The following SEPTIN9 variants were observed in gnomAD, a reference collection of about 807,000 sequenced individuals.
SEPTIN9 encodes septin 9, also known as septin-9.
A neutral mutation model predicts 56.6 loss-of-function variants in SEPTIN9; 13 were observed. The observed-to-expected ratio is 0.23, with a 90% CI of 0.15 to 0.37. The LOEUF is 0.37. Ranked by LOEUF, SEPTIN9 falls within the 10% of genes least tolerant of loss-of-function variation. SEPTIN9 has a pLI of 1.00. For missense variants in SEPTIN9, 650 were observed against 823.1 expected, an observed-to-expected ratio of 0.79 and a Z score of 2.57; for synonymous variants, 332 against 334.1, an observed-to-expected ratio of 0.99 and a Z score of 0.07.
At position 77,389,854 on chromosome 17, in the gene SEPTIN9, TG is replaced by T. The variant is rs1200390671; in HGVS notation, c.77-12199del. ...CAGCAGCTGGTTTAGAACCCGGGGG[TG>T]GGGGGAGCGCTAGACCAGTGCAGCA... On this transcript the variant is annotated intron_variant, in intron 2 of 11. Transcript: ENST00000427177. The surrounding 1 kb of genome is among the most constrained non-coding windows in gnomAD (Gnocchi z 4.3). 6.6e-6 allele frequency among the ~76,000 whole-genome samples: 1 copy of T among 151,766 alleles called. No homozygotes were observed. Among genetic ancestry groups the T allele is most frequent in the Non-Finnish European group, 1.5e-5 (1 of 67,928 alleles).
At chr17:77,311,524 G>A (rs939145959) in intron 2 of SEPTIN9, among the ~76,000 whole-genome samples, 15 of 152,160 alleles carry the variant, frequency 9.9e-5, no homozygotes, top group African/African-American at 3.4e-4. Context: ...GCTGGTGCTC[G>A]CTGCCTCCCT....
chr17:77,475,953 G>A lies in SEPTIN9; in HGVS notation c.722-6191G>A. ...GTCCGTGCTCTGAGAGCCAGGTGTGGGTTGGGTTTGGGGAAGACAGGGGAA... is the reference window on the plus strand; with the variant it reads ...GTCCGTGCTCTGAGAGCCAGGTGTGAGTTGGGTTTGGGGAAGACAGGGGAA... On this transcript the variant is annotated intron_variant, in intron 3 of 11. Transcript: ENST00000427177. This position sits in a 1 kb window ranked among gnomAD's most constrained non-coding sequence, Gnocchi z 4.6. The A allele has an allele frequency of 6.4e-7, 1 of 1,569,552 alleles. No homozygotes were observed. The highest frequency in any genetic ancestry group is 8.7e-7 in the Non-Finnish European group (1 of 1,153,166).
chr17:77,462,313 C>T (rs2038513189), intron 3 of SEPTIN9, among the ~76,000 whole-genome samples: 1 of 152,204 alleles, frequency 6.6e-6, no homozygotes, highest in African/African-American at 2.4e-5. Context: ...CCGATCACGG[C>T]TCACTGCAGC....
chr17:77,312,022 C>G (rs183751731), intron 2 of SEPTIN9, among the ~76,000 whole-genome samples: 6 of 152,176 alleles, frequency 3.9e-5, no homozygotes, highest in Non-Finnish European at 8.8e-5. Flanking sequence ...CCCCAGCACC[C>G]CCAGGTCTCA....
intron 3 of SEPTIN9, among the ~76,000 whole-genome samples, chr17:77,414,203 C>T (rs536254298): frequency 6.6e-6 from 1 of 152,018 alleles, no homozygotes; most frequent in Non-Finnish European, 1.5e-5. Flanking sequence ...CTCAGCCTCC[C>T]GAGTAGCTGA....
chr17:77,435,261 C>G lies in SEPTIN9; in HGVS notation c.721+32558C>G, dbSNP rs758061981. 5.3e-5 allele frequency among the ~76,000 whole-genome samples: 8 copies of G among 152,152 alleles called. No individual in the cohort carries two copies. Among genetic ancestry groups the G allele is most frequent in the African/African-American group, 1.7e-4 (7 of 41,430 alleles). ...CCCTAACCACTGTCATTTACCTCTTCGGCCAGCCCTCTGATTGCAAAACCT... is the reference window on the plus strand; with the variant it reads ...CCCTAACCACTGTCATTTACCTCTTGGGCCAGCCCTCTGATTGCAAAACCT... On this transcript the variant is annotated intron_variant, in intron 3 of 11. Coordinates refer to ENST00000427177, the MANE Select transcript of SEPTIN9 (RefSeq NM_001113491.2). The surrounding 1 kb of genome is among the most constrained non-coding windows in gnomAD (Gnocchi z 4.5).
intron 1 of SEPTIN9, among the ~76,000 whole-genome samples, chr17:77,291,595 G>A (rs1424483071): frequency 1.3e-5 from 2 of 151,990 alleles, no homozygotes; most frequent in Non-Finnish European, 2.9e-5. Context: ...TCGTGCCACG[G>A]CACTCCAGCC....
rs144099049 is a variant in SEPTIN9, at chr17:77,360,588, G to A, written c.77-41471G>A. 7.6e-3 allele frequency among the ~76,000 whole-genome samples: 1,147 copies of A among 150,118 alleles called. 12 individuals are homozygous for A. The highest frequency in any genetic ancestry group is 0.026 in the African/African-American group (1,068 of 40,722). Reference sequence around the variant, plus strand: ...TTTTGTTTCTTTTTTTTTTTGAGACGGAGTCTCGCTCTGTCGCCCAGGCTG... The same window carrying A: ...TTTTGTTTCTTTTTTTTTTTGAGACAGAGTCTCGCTCTGTCGCCCAGGCTG... On this transcript the variant is annotated intron_variant, in intron 2 of 11. Transcript: ENST00000427177.
chr17:77,343,126 A>T (rs2033790835), intron 2 of SEPTIN9, among the ~76,000 whole-genome samples: 1 of 152,012 alleles, frequency 6.6e-6, no homozygotes, highest in Non-Finnish European at 1.5e-5. Flanking sequence ...TTTGTTTGCT[A>T]AGGAGGCGAC....
rs1381864507 is a variant in SEPTIN9 at position 77,425,959 on chromosome 17, G to T, written c.721+23256G>T. The stretch of plus-strand genomic sequence containing the variant: ...CCCTGTGCAGAGGGGAGTGTGTGCG[G>T]CTGTGAGTTCAGGCCATGCCCTCAG... On this transcript the variant is annotated intron_variant, in intron 3 of 11. Coordinates refer to ENST00000427177, the MANE Select transcript of SEPTIN9 (RefSeq NM_001113491.2). The surrounding 1 kb of genome is among the most constrained non-coding windows in gnomAD (Gnocchi z 4.2). Among the ~76,000 whole-genome samples, 2 of 152,190 alleles carry T rather than the reference G, an allele frequency of 1.3e-5. No individual in the cohort carries two copies. The highest frequency in any genetic ancestry group is 2.4e-5 in the African/African-American group (1 of 41,448).
At chr17:77,354,424 G>T (rs537932726) in intron 2 of SEPTIN9, among the ~76,000 whole-genome samples, 1 of 152,258 alleles carries the variant, frequency 6.6e-6, no homozygotes, top group Admixed American at 6.5e-5. Flanking sequence ...TTTGCTGTGG[G>T]CACCAAGGAA....
chr17:77,356,168 C>T (rs1453304831), intron 2 of SEPTIN9, among the ~76,000 whole-genome samples: 1 of 152,060 alleles, frequency 6.6e-6, no homozygotes, highest in Non-Finnish European at 1.5e-5. Flanking sequence ...TTGGAAGAGG[C>T]GACACTGTGT....
chr17:77,294,134 A>C (rs1368432020), intron 1 of SEPTIN9, among the ~76,000 whole-genome samples: 1 of 148,492 alleles, frequency 6.7e-6, no homozygotes, highest in Admixed American at 6.8e-5. Context: ...AAAAAAAAAC[A>C]TAGGCTGGGC....
At chr17:77,498,437 C>T (rs1037117812) in intron 11 of SEPTIN9, 86 bp from the exon 12 acceptor site, 12 of 831,458 alleles carry the variant, frequency 1.4e-5, no homozygotes, top group East Asian at 2.8e-5. Flanking sequence ...GGCCTGAGTC[C>T]GAGGCAGGCC....
In SEPTIN9 at chr17:77,405,013, T is replaced by C; in HGVS notation, c.721+2310T>C. On this transcript the variant is annotated intron_variant, in intron 3 of 11. Transcript: ENST00000427177. This position sits in a 1 kb window ranked among gnomAD's most constrained non-coding sequence, Gnocchi z 5.8. ...GTGCCGGATACACCCCCATCCTGGG[T>C]TGATGTGTTCACACTCAGCTGAGTC... The C allele has an allele frequency of 1.4e-6, 2 of 1,432,888 alleles. No homozygotes were observed. Among genetic ancestry groups the C allele is most frequent in the Non-Finnish European group, 1.9e-6 (2 of 1,060,676 alleles). The allele number at this position is 1,432,888 out of a possible 1,614,324, so 88.8% of individuals were successfully genotyped here. A position where few individuals can be genotyped will look rare whatever the true frequency, so the allele number is the denominator to read the frequency against.
At chr17:77,399,118 T>G (rs312865) in intron 2 of SEPTIN9, among the ~76,000 whole-genome samples, 37,683 of 152,120 alleles carry the variant, frequency 0.25, 5,787 homozygotes, top group East Asian at 0.81. Context: ...ATGATCCGCT[T>G]GTGCACGTGG....
intron 3 of SEPTIN9, among the ~76,000 whole-genome samples, chr17:77,411,044 C>T (rs555297929): frequency 2.7e-4 from 41 of 151,022 alleles, no homozygotes; most frequent in Admixed American, 2.4e-3. Context: ...GAGATTGTGC[C>T]AGTGCAGTCC....
intron 1 of SEPTIN9, among the ~76,000 whole-genome samples, chr17:77,292,782 C>A (rs2031625512): frequency 6.6e-6 from 1 of 152,010 alleles, no homozygotes; most frequent in South Asian, 2.1e-4. Flanking sequence ...GCATGAGCCA[C>A]CAGGCCCGGC....
intron 2 of SEPTIN9, among the ~76,000 whole-genome samples, chr17:77,372,299 G>A (rs905755557): frequency 1.3e-5 from 2 of 152,176 alleles, no homozygotes; most frequent in African/African-American, 2.4e-5. Flanking sequence ...AGACCTGGGG[G>A]GCCCTTCTTG....
Sources: gnomAD v4.1 joint callset for allele counts (sites outside exome capture counted in the v4.1 genomes callset) on GRCh38, gnomAD v4.1.1 for gene constraint, Gnocchi (gnomAD v3.1) non-coding constraint, MANE v1.5 for transcripts, NCBI Gene and HGNC (gene_info 2026-07-23, HGNC 2026-07-21) for gene names.